Variants in ADARB2 observed in about 807,000 individuals in gnomAD.
The protein encoded by ADARB2 is inactive double-stranded RNA-specific editase B2.
In ADARB2, 25 loss-of-function variants were observed where a neutral mutation model predicts 62.2. That is an observed-to-expected ratio of 0.40 (90% CI 0.29 to 0.56). The LOEUF (loss-of-function observed/expected upper bound fraction) is 0.56, where lower values mean the gene tolerates loss of function less well. Among genes scored for constraint, ADARB2 ranks in the 20% least tolerant of loss-of-function variants. The pLI is 0.43. For missense variants in ADARB2, 1,071 were observed against 1,077.4 expected (o/e 0.99, Z 0.08); for synonymous variants, 572 against 500.8 (o/e 1.14, Z -1.90).
intron 3 of ADARB2, among the ~76,000 whole-genome samples, chr10:1,304,110 G>C (rs1400846539): frequency 2.0e-5 from 3 of 151,230 alleles, no homozygotes; most frequent in Non-Finnish European, 4.5e-5. Flanking sequence ...ACCCATCAGT[G>C]TGCTGTATTC....
intron 3 of ADARB2, among the ~76,000 whole-genome samples, chr10:1,312,718 G>A (rs1444750058): frequency 6.6e-6 from 1 of 152,198 alleles, no homozygotes; most frequent in African/African-American, 2.4e-5. Context: ...ATGGGCAGGT[G>A]GGAACCAGGG....
intron 1 of ADARB2, among the ~76,000 whole-genome samples, chr10:1,476,843 T>C (rs543869658): frequency 8.6e-5 from 13 of 151,940 alleles, no homozygotes; most frequent in Non-Finnish European, 1.5e-4. Flanking sequence ...CCCTCTGGGG[T>C]GTGGAGGGAA....
At chr10:1,262,888 C>T (rs983403603) in intron 4 of ADARB2, among the ~76,000 whole-genome samples, 5 of 152,018 alleles carry the variant, frequency 3.3e-5, no homozygotes, top group African/African-American at 1.2e-4. Context: ...AGCCATATGT[C>T]CAACAATGAT....
intron 1 of ADARB2, among the ~76,000 whole-genome samples, chr10:1,458,212 A>T (rs1344821853): frequency 6.6e-6 from 1 of 152,152 alleles, no homozygotes; most frequent in Non-Finnish European, 1.5e-5. Context: ...AGGTCTCCGC[A>T]GGAAGAACAG....
chr10:1,579,600 G>C (rs181336356), intron 1 of ADARB2, among the ~76,000 whole-genome samples: 9 of 152,318 alleles, frequency 5.9e-5, no homozygotes, highest in Non-Finnish European at 1.2e-4. Context: ...CACAGACACA[G>C]AGCATCTCAC....
chr10:1,706,545 C>T (rs1834892093), intron 1 of ADARB2, among the ~76,000 whole-genome samples: 1 of 152,164 alleles, frequency 6.6e-6, no homozygotes. Flanking sequence ...AAATGGTGTT[C>T]CAGGAGAGTA....
intron 3 of ADARB2, among the ~76,000 whole-genome samples, chr10:1,330,001 T>G (rs1221170372): frequency 6.7e-6 from 1 of 149,118 alleles, no homozygotes; most frequent in East Asian, 2.0e-4. Flanking sequence ...CAGGGCTGGA[T>G]GACCTGTTCA....
At chr10:1,293,995 G>C (rs1466479826) in intron 3 of ADARB2, among the ~76,000 whole-genome samples, 1 of 152,118 alleles carries the variant, frequency 6.6e-6, no homozygotes, top group Non-Finnish European at 1.5e-5. Context: ...TGGGGGAGCT[G>C]TTGGTCATCT....
intron 1 of ADARB2, among the ~76,000 whole-genome samples, chr10:1,696,870 T>A (rs1264955226): frequency 6.6e-6 from 1 of 152,226 alleles, no homozygotes; most frequent in Non-Finnish European, 1.5e-5. Context: ...AGAGCAAGTT[T>A]GTCCAACCTG....
chr10:1,586,175 T>C (rs552037485), intron 1 of ADARB2, among the ~76,000 whole-genome samples: 1 of 152,362 alleles, frequency 6.6e-6, no homozygotes, highest in East Asian at 1.9e-4. Flanking sequence ...TCTAAATTGA[T>C]TGAGACCTGT....
At chr10:1,472,446 G>A (rs1831336510) in intron 1 of ADARB2, among the ~76,000 whole-genome samples, 1 of 152,196 alleles carries the variant, frequency 6.6e-6, no homozygotes, top group East Asian at 1.9e-4. Flanking sequence ...ATGCGGCTCG[G>A]GGTTCAGCCA....
chr10:1,443,230 C>G (rs1220573530), intron 1 of ADARB2, among the ~76,000 whole-genome samples: 1 of 152,106 alleles, frequency 6.6e-6, no homozygotes, highest in Non-Finnish European at 1.5e-5. Flanking sequence ...GCTTGGGACT[C>G]ATTTTTCCTT....
At chr10:1,629,298 A>T (rs1833813747) in intron 1 of ADARB2, among the ~76,000 whole-genome samples, 1 of 152,052 alleles carries the variant, frequency 6.6e-6, no homozygotes, top group East Asian at 1.9e-4. Context: ...AGTTGGTAAA[A>T]ATCAGTTTCT....
chr10:1,676,375 T>C (rs1834466901), intron 1 of ADARB2, among the ~76,000 whole-genome samples: 1 of 152,174 alleles, frequency 6.6e-6, no homozygotes, highest in Non-Finnish European at 1.5e-5. Flanking sequence ...CATTGACTTG[T>C]ATAGACTTAG....
chr10:1,302,729 T>C (rs1361149668), intron 3 of ADARB2, among the ~76,000 whole-genome samples: 2 of 152,232 alleles, frequency 1.3e-5, no homozygotes, highest in Non-Finnish European at 2.9e-5. Context: ...CCCTGACCCC[T>C]GAGCAGCCTA....
rs557128703 is a variant in ADARB2, at chr10:1,625,315, A to C, written c.100+111736T>G. ...TTTAAGGGAAAATACCCCTTTTTCCAGGGAAAACTGGGAGACAGACAGTCG... is the reference window on the plus strand; with the variant it reads ...TTTAAGGGAAAATACCCCTTTTTCCCGGGAAAACTGGGAGACAGACAGTCG... On this transcript the variant is annotated intron_variant, in intron 1 of 9. Coordinates refer to ENST00000381312, the MANE Select transcript of ADARB2 (RefSeq NM_018702.4). Among the ~76,000 whole-genome samples, 8 of 152,234 alleles carry C rather than the reference A, an allele frequency of 5.3e-5. No homozygotes were observed. In the South Asian group the frequency reaches 1.7e-3, roughly 32 times the overall value.
chr10:1,658,416 GTC>G (rs980964408), intron 1 of ADARB2, among the ~76,000 whole-genome samples: 3 of 151,028 alleles, frequency 2.0e-5, no homozygotes, highest in African/African-American at 4.9e-5. Flanking sequence ...ATCTGATACT[GTC>G]TCTGTCTGAT....
intron 1 of ADARB2, among the ~76,000 whole-genome samples, chr10:1,574,531 C>T (rs561458401): frequency 2.6e-5 from 4 of 151,952 alleles, no homozygotes; most frequent in East Asian, 1.9e-4. Flanking sequence ...CTGTTCCCAG[C>T]GTTTTGGAGG....
Position 1,495,592 on chromosome 10 carries a change from G to A in ADARB2, c.101-116432C>T, listed in dbSNP as rs182313838. ...GGAGCTGCCTCCAGTCTTTAAGGTG[G>A]TAAGCTTTAGAGGAGCCTTAGAAAT... On this transcript the variant is annotated intron_variant, in intron 1 of 9. Transcript: ENST00000381312. Among the ~76,000 whole-genome samples, 42 of 127,134 alleles carry A rather than the reference G, an allele frequency of 3.3e-4. No homozygotes were observed. In the East Asian group the frequency reaches 9.0e-3, roughly 27 times the overall value. 83.4% of individuals were successfully genotyped at this position (127,134 alleles called of 152,430 possible).
Sources: gnomAD v4.1 joint callset for allele counts (sites outside exome capture counted in the v4.1 genomes callset) on GRCh38, gnomAD v4.1.1 for gene constraint, MANE v1.5 for transcripts, NCBI Gene and HGNC (gene_info 2026-07-23, HGNC 2026-07-21) for gene names.